PCDH7: variants seen among roughly 807,000 people sequenced by gnomAD.
PCDH7 encodes the protein protocadherin-7.
A neutral mutation model predicts 58.9 loss-of-function variants in PCDH7; 17 were observed. That is an observed-to-expected ratio of 0.29 (90% CI 0.20 to 0.43). PCDH7 has a LOEUF of 0.43. Ranked by LOEUF, PCDH7 falls within the 20% of genes least tolerant of loss-of-function variation. The pLI, the probability that PCDH7 is intolerant of heterozygous loss-of-function variation, is 1.00. For missense variants in PCDH7, 1,274 were observed against 1,441.0 expected (o/e 0.88, Z 1.88); for synonymous variants, 664 against 616.4 (o/e 1.08, Z -1.14).
At chr4:30,791,923 A>G (rs143094194) in intron 1 of PCDH7, among the ~76,000 whole-genome samples, 2 of 152,366 alleles carry the variant, frequency 1.3e-5, no homozygotes, top group Admixed American at 6.5e-5. Flanking sequence ...ATAAATTGTC[A>G]TATTATCATA....
At chr4:30,746,692 A>G (rs1717819867) in intron 1 of PCDH7, among the ~76,000 whole-genome samples, 1 of 152,192 alleles carries the variant, frequency 6.6e-6, no homozygotes, top group African/African-American at 2.4e-5. Flanking sequence ...GGTAAATATT[A>G]GTGGTCTAAT....
At chr4:30,880,486 A>G (rs1317387421) in intron 1 of PCDH7, among the ~76,000 whole-genome samples, 1 of 152,174 alleles carries the variant, frequency 6.6e-6, no homozygotes, top group East Asian at 1.9e-4. Flanking sequence ...AATCAGTATT[A>G]GCACAGCTCA....
intron 3 of PCDH7, among the ~76,000 whole-genome samples, chr4:30,951,546 C>A (rs149054199): frequency 6.6e-6 from 1 of 152,096 alleles, no homozygotes; most frequent in East Asian, 1.9e-4. Context: ...GGTCTTCGCA[C>A]GGTTAGGTCC....
intron 3 of PCDH7, among the ~76,000 whole-genome samples, chr4:31,116,603 A>C (rs1717014657): frequency 6.6e-6 from 1 of 152,206 alleles, no homozygotes; most frequent in Admixed American, 6.5e-5. Context: ...TCCTTGGAAA[A>C]AAATCTTACC....
intron 3 of PCDH7, among the ~76,000 whole-genome samples, chr4:31,107,556 T>A (rs1308816978): frequency 6.6e-6 from 1 of 152,172 alleles, no homozygotes; most frequent in Non-Finnish European, 1.5e-5. Flanking sequence ...GTCAAAATGA[T>A]AAGAGATGTC....
downstream of PCDH7, among the ~76,000 whole-genome samples, chr4:30,737,041 G>A (rs1301819652): frequency 6.6e-6 from 1 of 152,160 alleles, no homozygotes; most frequent in Admixed American, 6.5e-5. Flanking sequence ...CTCCTCAAAG[G>A]TCTCTGGAAA....
chr4:30,994,534 G>T (rs1751713376), intron 3 of PCDH7, among the ~76,000 whole-genome samples: 1 of 152,140 alleles, frequency 6.6e-6, no homozygotes, highest in South Asian at 2.1e-4. Context: ...AGTTTGCATA[G>T]AATTTGAAAA....
intron 1 of PCDH7, among the ~76,000 whole-genome samples, chr4:30,751,147 G>C (rs1718468364): frequency 6.6e-6 from 1 of 152,184 alleles, no homozygotes; most frequent in South Asian, 2.1e-4. Context: ...TTTTGTACCT[G>C]TGCAAACTCA....
At chr4:31,044,122 A>G (rs1398364349) in intron 3 of PCDH7, among the ~76,000 whole-genome samples, 1 of 152,146 alleles carries the variant, frequency 6.6e-6, no homozygotes, top group Non-Finnish European at 1.5e-5. Context: ...AAGTAAGTAA[A>G]TAATAGTGGT....
intron 1 of PCDH7, among the ~76,000 whole-genome samples, chr4:30,739,890 G>T (rs1716842478): frequency 6.6e-6 from 1 of 152,050 alleles, no homozygotes; most frequent in African/African-American, 2.4e-5. Context: ...CAGTTTTAGT[G>T]TTGTAATATG....
intron 3 of PCDH7, among the ~76,000 whole-genome samples, chr4:31,078,572 G>T: frequency 1.4e-5 from 2 of 144,782 alleles, no homozygotes; most frequent in African/African-American, 2.6e-5. Flanking sequence ...ATCAAGCAAT[G>T]CTCCTGCTTT....
At chr4:31,046,261 A>C (rs1186512607) in intron 3 of PCDH7, among the ~76,000 whole-genome samples, 1 of 152,002 alleles carries the variant, frequency 6.6e-6, no homozygotes, top group Admixed American at 6.6e-5. Context: ...TACTTTATGT[A>C]AGTTATCTTA....
intron 2 of PCDH7, among the ~76,000 whole-genome samples, chr4:30,929,835 T>C (rs10013694): frequency 0.69 from 105,589 of 152,016 alleles, 36,715 homozygotes; most frequent in East Asian, 0.78. Flanking sequence ...CTGAATTGTG[T>C]CCATTGTTTC....
chr4:30,736,141 T>C (rs1716219088), downstream of PCDH7, among the ~76,000 whole-genome samples: 1 of 152,190 alleles, frequency 6.6e-6, no homozygotes, highest in African/African-American at 2.4e-5. Flanking sequence ...CAGTGGTTTC[T>C]TACCCTAACT....
chr4:30,835,061 C>T (rs947025948), intron 1 of PCDH7, among the ~76,000 whole-genome samples: 2 of 152,030 alleles, frequency 1.3e-5, no homozygotes, highest in African/African-American at 2.4e-5. Flanking sequence ...CTGAATTTGT[C>T]GGTTGTTACA....
intron 1 of PCDH7, among the ~76,000 whole-genome samples, chr4:30,808,410 G>A (rs536573827): frequency 6.6e-6 from 1 of 152,008 alleles, no homozygotes; most frequent in Non-Finnish European, 1.5e-5. Context: ...CTCTTTCTCT[G>A]CTGTTTTTTT....
At chr4:30,757,094 C>T (rs1025536980) in intron 1 of PCDH7, among the ~76,000 whole-genome samples, 2 of 152,164 alleles carry the variant, frequency 1.3e-5, no homozygotes, top group Non-Finnish European at 1.5e-5. Context: ...GAGTTACACT[C>T]CTTATTATAG....
chr4:30,934,239 G>C (rs1168449865), intron 2 of PCDH7, among the ~76,000 whole-genome samples: 1 of 151,986 alleles, frequency 6.6e-6, no homozygotes. Context: ...GCCTACGTCT[G>C]AGTATTATCT....
intron 3 of PCDH7, among the ~76,000 whole-genome samples, chr4:31,141,286 T>C (rs1720219568): frequency 6.6e-6 from 1 of 152,264 alleles, no homozygotes; most frequent in Non-Finnish European, 1.5e-5. Flanking sequence ...AAATATATTT[T>C]CAGAGGTCAA....
Sources: gnomAD v4.1 joint callset for allele counts (sites outside exome capture counted in the v4.1 genomes callset) on GRCh38, gnomAD v4.1.1 for gene constraint, MANE v1.5 for transcripts, NCBI Gene and HGNC (gene_info 2026-07-23, HGNC 2026-07-21) for gene names.